THBS1: variants seen among roughly 807,000 people sequenced by gnomAD.
The protein encoded by THBS1 is thrombospondin-1.
THBS1 carries 29 observed loss-of-function variants against 126.1 expected under a neutral mutation model. The observed-to-expected ratio is 0.23, with a 90% CI of 0.17 to 0.31. The LOEUF is 0.31. THBS1 is among the 10% of genes least tolerant of loss of function. The pLI is 1.00. For synonymous variants in THBS1, 496 were observed against 577.8 expected, an observed-to-expected ratio of 0.86 and a Z score of 2.03; for missense variants, 1,198 against 1,545.2, an observed-to-expected ratio of 0.78 and a Z score of 3.77.
Position 39,582,211 on chromosome 15 carries a change from G to C in THBS1, c.86G>C (p.Ser29Thr), listed in dbSNP as rs1455854650. The C allele has an allele frequency of 2.5e-6, 4 of 1,607,026 alleles. No individual in the cohort carries two copies. The highest frequency in any genetic ancestry group is 3.4e-6 in the Non-Finnish European group (4 of 1,176,648). ...NRIPESGGDNSVFDIFELTGA... is the reference protein window; with the variant it reads ...NRIPESGGDNTVFDIFELTGA... ...CTAACAGAGTCTGGCGGAGACAACAGCGTGTTTGACATCTTTGAACTCACC... is the reference window on the plus strand; with the variant it reads ...CTAACAGAGTCTGGCGGAGACAACACCGTGTTTGACATCTTTGAACTCACC... Residue 29 changes from serine (S) to threonine (T), a missense_variant, in exon 3 of 22, where the codon AGC (serine) becomes ACC (threonine). Ser to Thr is a moderately conservative substitution (Grantham distance 58). Around this residue, in one of 4 missense-constraint regions of THBS1, gnomAD observed 271 missense variants for 277.0 expected, o/e 0.98. Coordinates refer to ENST00000260356, the MANE Select transcript of THBS1 (RefSeq NM_003246.4).
Position 39,593,170 on chromosome 15 carries a change from C to G in THBS1, c.2938C>G (p.Arg980Gly). 1.9e-6 allele frequency: 3 copies of G among 1,610,584 alleles called. No individual in the cohort carries two copies. The highest frequency in any genetic ancestry group is 2.5e-6 in the Non-Finnish European group (3 of 1,178,682). ...TSQNDPNWVV[R>G]HQGKELVQTV... ...CCAAAATGACCCTAACTGGGTTGTA[C>G]GCCATCAGGGTAAAGAACTCGTCCA... Residue 980 changes from arginine to glycine, a missense_variant, in exon 18 of 22, where the codon CGC becomes GGC. Arg to Gly is a moderately radical substitution (Grantham distance 125). Around this residue, in one of 4 missense-constraint regions of THBS1, gnomAD observed 255 missense variants for 373.9 expected, o/e 0.68. Coordinates refer to ENST00000260356, the MANE Select transcript of THBS1 (RefSeq NM_003246.4). This position sits in a 1 kb window ranked among gnomAD's most constrained non-coding sequence, Gnocchi z 5.9.
chr15:39,583,837 AT>A, intron 4 of THBS1, 145 bp downstream of exon 4: 1 of 1,181,088 alleles, frequency 8.5e-7, no homozygotes, highest in Non-Finnish European at 1.2e-6. Flanking sequence ...TCCAAGGGGT[AT>A]TATACACACA....
rs937045376 is a variant in THBS1, at chr15:39,591,745, C to T, written c.2532+122C>T. Reference sequence around the variant, plus strand: ...TCATTACTGTGGCTCCCTGGCTTCTCATAGCCAACTGGAATACGTTCATGT... The same window carrying T: ...TCATTACTGTGGCTCCCTGGCTTCTTATAGCCAACTGGAATACGTTCATGT... On this transcript the variant is annotated intron_variant, in intron 16 of 21. Coordinates refer to ENST00000260356, the MANE Select transcript of THBS1 (RefSeq NM_003246.4). 8.0e-6 allele frequency: 7 copies of T among 873,118 alleles called. No individual in the cohort carries two copies. In the African/African-American group the frequency reaches 1.0e-4, roughly 12 times the overall value. The allele number at this position is 873,118 out of a possible 1,614,324, so 54.1% of individuals were successfully genotyped here. A position where few individuals can be genotyped will look rare whatever the true frequency, so the allele number is the denominator to read the frequency against.
rs907819734 is a variant in THBS1 at position 39,587,711 on chromosome 15, G to T, written c.1294+191G>T. On this transcript the variant is annotated intron_variant, in intron 8 of 21. Transcript: ENST00000260356. ...GCTCTTTCCTCATTTGCAACTTGGA[G>T]ATAATAATAGTTCTTGATAAGTTTA... Among the ~76,000 whole-genome samples, 3 of 152,218 alleles carry T rather than the reference G, an allele frequency of 2.0e-5. No individual in the cohort carries two copies. The East Asian group carries it at 5.8e-4, about 29-fold the overall frequency.
chr15:39,599,134 A>G lies in THBS1; in HGVS notation c.*3765A>G, dbSNP rs1238218543. 1 of 152,198 alleles carries G rather than the reference A, an allele frequency of 6.6e-6. No homozygotes were observed. Among genetic ancestry groups the G allele is most frequent in the African/African-American group, 2.4e-5 (1 of 41,446 alleles). The allele number at this position is 152,198 out of a possible 1,614,324, so 9.4% of individuals were successfully genotyped here. A position where few individuals can be genotyped will look rare whatever the true frequency, so the allele number is the denominator to read the frequency against. On this transcript the variant is annotated 3_prime_UTR_variant, in exon 22 of 22. Transcript: ENST00000260356. ...AAGACGGGGTTTCACCTTGTTCCGG[A>G]CAAACACTAAGCCCTAAAGGGAAAT...
chr15:39,582,576 G>A lies in THBS1; in HGVS notation c.451G>A (p.Gly151Ser), dbSNP rs747214338. The A allele has an allele frequency of 3.1e-6, 5 of 1,614,116 alleles. No homozygotes were observed. The highest frequency in any genetic ancestry group is 2.2e-5 in the East Asian group (1 of 44,876). The change falls in exon 3 of 22, where the codon GGC becomes AGC. Residue 151 changes from glycine to serine, a missense_variant. This residue lies in a region of THBS1 where 271 missense variants were observed against 277.0 expected (regional missense o/e 0.98). Coordinates refer to ENST00000260356, the MANE Select transcript of THBS1 (RefSeq NM_003246.4). ...TGTGGAAGAAGCTCTCCTGGCAACC[G>A]GCCAGTGGAAGAGCATCACCCTGTT... ...VSVEEALLAT[G>S]QWKSITLFVQ...
intron 14 of THBS1, 57 bp from the exon 15 acceptor site, chr15:39,591,134 G>C: frequency 1.3e-6 from 2 of 1,581,554 alleles, no homozygotes; most frequent in Non-Finnish European, 1.7e-6. Context: ...CATGGTTTGA[G>C]GCTTGAGCTG....
rs761099879 is a variant in THBS1, at chr15:39,582,597, C to CTGTT, written c.476_479dup (p.Gln161CysfsTer13). ...AACCGGCCAGTGGAAGAGCATCACC[C>CTGTT]TGTTTGTGCAGGAAGACAGGGCCCA... On this transcript the variant is annotated frameshift_variant, in exon 3 of 22. Transcript: ENST00000260356. LOFTEE classifies it high-confidence loss of function. The CTGTT allele has an allele frequency of 1.2e-6, 2 of 1,614,018 alleles. No individual in the cohort carries two copies. The highest frequency in any genetic ancestry group is 1.7e-6 in the Non-Finnish European group (2 of 1,180,044).
rs566389840 is a variant in THBS1 at position 39,593,450 on chromosome 15, G to A, written c.3049G>A (p.Glu1017Lys). Residue 1017 changes from glutamate (E) to lysine (K), a missense_variant, in exon 19 of 22, where the codon GAA becomes AAA. By Grantham distance (56) the Glu-to-Lys change is moderately conservative. Around this residue, in one of 4 missense-constraint regions of THBS1, gnomAD observed 255 missense variants for 373.9 expected, o/e 0.68. Transcript: ENST00000260356. This position sits in a 1 kb window ranked among gnomAD's most constrained non-coding sequence, Gnocchi z 5.9. The stretch of plus-strand genomic sequence containing the variant: ...CAGTGGCACCTTCTTCATCAACACC[G>A]AAAGGGACGATGACTATGCTGGATT... ...DFSGTFFINT[E>K]RDDDYAGFVF... The A allele has an allele frequency of 1.7e-5, 28 of 1,614,130 alleles. No individual in the cohort carries two copies. The highest frequency in any genetic ancestry group is 5.3e-5 in the African/African-American group (4 of 75,040).
At position 39,593,985 on chromosome 15, in the gene THBS1, G is replaced by A; in HGVS notation, c.3268-114G>A. On this transcript the variant is annotated intron_variant, in intron 19 of 21. Coordinates refer to ENST00000260356, the MANE Select transcript of THBS1 (RefSeq NM_003246.4). The surrounding 1 kb of genome is among the most constrained non-coding windows in gnomAD (Gnocchi z 5.9). ...GGACTTGGAAAAATTCCCCATTGCA[G>A]CCCTCTAACTTAGATCAGCTCAGTA... 2 of 1,147,998 alleles carry A rather than the reference G, an allele frequency of 1.7e-6. No homozygotes were observed. Among genetic ancestry groups the A allele is most frequent in the Non-Finnish European group, 2.4e-6 (2 of 820,146 alleles). The allele number at this position is 1,147,998 out of a possible 1,614,324, so 71.1% of individuals were successfully genotyped here. A position where few individuals can be genotyped will look rare whatever the true frequency, so the allele number is the denominator to read the frequency against.
At position 39,592,385 on chromosome 15, in the gene THBS1, G is replaced by GA. The variant is rs1890343544; in HGVS notation, c.2533-176dup. 3.3e-5 allele frequency among the ~76,000 whole-genome samples: 5 copies of GA among 152,138 alleles called. No individual in the cohort carries two copies. The highest frequency in any genetic ancestry group is 1.2e-4 in the African/African-American group (5 of 41,502). On this transcript the variant is annotated intron_variant, in intron 16 of 21. Coordinates refer to ENST00000260356, the MANE Select transcript of THBS1 (RefSeq NM_003246.4). This position sits in a 1 kb window ranked among gnomAD's most constrained non-coding sequence, Gnocchi z 4.3. ...TTTTTATACGAAAACAAAGATAAAG[G>GA]AAAAAAACTTTTAAAATGTAATTGC...
chr15:39,584,757 C>A (rs1890179732), intron 6 of THBS1, among the ~76,000 whole-genome samples: 1 of 151,302 alleles, frequency 6.6e-6, no homozygotes, highest in Non-Finnish European at 1.5e-5. Flanking sequence ...TTTTTCCCAA[C>A]CCTGATTTAT....
In THBS1 at chr15:39,584,197, C is replaced by T; in HGVS notation, c.903+10C>T. 1 of 1,613,994 alleles carries T rather than the reference C, an allele frequency of 6.2e-7. No individual in the cohort carries two copies. Among genetic ancestry groups the T allele is most frequent in the Non-Finnish European group, 8.5e-7 (1 of 1,179,888 alleles). Reference sequence around the variant, plus strand: ...CAGCATCCGCAAAGTGGTCAGTGGCCTCTGCACCCAGCCCGTTAGCATGAA... The same window carrying T: ...CAGCATCCGCAAAGTGGTCAGTGGCTTCTGCACCCAGCCCGTTAGCATGAA... On this transcript the variant is annotated intron_variant, in intron 5 of 21. Coordinates refer to ENST00000260356, the MANE Select transcript of THBS1 (RefSeq NM_003246.4).
chr15:39,584,063 G>T lies in THBS1; in HGVS notation c.779G>T (p.Gly260Val). 8 of 1,614,166 alleles carry T rather than the reference G, an allele frequency of 5.0e-6. No individual in the cohort carries two copies. Among genetic ancestry groups the T allele is most frequent in the Non-Finnish European group, 5.9e-6 (7 of 1,180,030 alleles). ...CCTGCCATCCGCACTAACTACATTG[G>T]CCACAAGACAAAGGACTTGCAAGCC... ...SSPAIRTNYI[G>V]HKTKDLQAIC... The change falls in exon 5 of 22, where the codon GGC (glycine) becomes GTC (valine). Residue 260 changes from glycine to valine, a missense_variant. Physicochemically the swap from Gly to Val is moderately radical, Grantham distance 109. This residue lies in a region of THBS1 where 663 missense variants were observed against 860.1 expected (regional missense o/e 0.77). Transcript: ENST00000260356.
rs545139498 is a variant in THBS1 at position 39,588,283 on chromosome 15, A to T, written c.1471+65A>T. ...AGCTCTGCCCAGCTGGTTGCCTGGC[A>T]TCTGCAGCCTGCAGTTCAGTGGGTC... On this transcript the variant is annotated intron_variant, in intron 9 of 21. Transcript: ENST00000260356. 4.0e-4 allele frequency: 618 copies of T among 1,557,978 alleles called. 4 individuals carry two copies. In the African/African-American group the frequency reaches 7.6e-3, roughly 19 times the overall value.
At chr15:39,584,518 A>G (rs1333633897) in intron 6 of THBS1, 96 bp downstream of exon 6, 9 of 1,512,736 alleles carry the variant, frequency 5.9e-6, no homozygotes, top group Non-Finnish European at 8.1e-6. Flanking sequence ...GATTCTTTTT[A>G]TGTTCCATGG....
rs1890501298 is a variant in THBS1 at position 39,597,613 on chromosome 15, A to G, written c.*2244A>G. The G allele has an allele frequency of 6.6e-6, 1 of 152,210 alleles. No homozygotes were observed. Among genetic ancestry groups the G allele is most frequent in the Admixed American group, 6.5e-5 (1 of 15,290 alleles). The allele number at this position is 152,210 out of a possible 1,614,324, so 9.4% of individuals were successfully genotyped here. A position where few individuals can be genotyped will look rare whatever the true frequency, so the allele number is the denominator to read the frequency against. ...TTCACAGTTTGTATGTGATTGAGAA[A>G]GACTGAGTTGCTCAGGCCTAGGCTT... On this transcript the variant is annotated 3_prime_UTR_variant, in exon 22 of 22. Coordinates refer to ENST00000260356, the MANE Select transcript of THBS1 (RefSeq NM_003246.4).
Position 39,583,610 on chromosome 15 carries a change from C to T in THBS1, c.628-7C>T, listed in dbSNP as rs767332797. On this transcript the variant is annotated splice_polypyrimidine_tract_variant and splice_region_variant and intron_variant, in intron 3 of 21. Transcript: ENST00000260356. Reference sequence around the variant, plus strand: ...TTCTACAAGTAATGTGTGTCCTCTGCCCACAGGGGGTGCTGCAGAATGTGA... The same window carrying T: ...TTCTACAAGTAATGTGTGTCCTCTGTCCACAGGGGGTGCTGCAGAATGTGA... 3 of 1,607,716 alleles carry T rather than the reference C, an allele frequency of 1.9e-6. No homozygotes were observed. The highest frequency in any genetic ancestry group is 2.5e-6 in the Non-Finnish European group (3 of 1,177,072).
chr15:39,594,865 A>G lies in THBS1; in HGVS notation c.3505+425A>G, dbSNP rs1890402282. Among the ~76,000 whole-genome samples the G allele has an allele frequency of 6.6e-6, 1 of 152,214 alleles. No homozygotes were observed. Among genetic ancestry groups the G allele is most frequent in the Admixed American group, 6.5e-5 (1 of 15,284 alleles). On this transcript the variant is annotated intron_variant, in intron 21 of 21. Coordinates refer to ENST00000260356, the MANE Select transcript of THBS1 (RefSeq NM_003246.4). The surrounding 1 kb of genome is among the most constrained non-coding windows in gnomAD (Gnocchi z 4.4). ...AGAGGAATGTTGCTTTCATATTGGC[A>G]TGTTAAATTAATGTTCACTATTAAA... is the stretch of plus-strand genomic sequence containing the variant.
Sources: allele counts gnomAD v4.1 joint callset (sites outside exome capture counted in the v4.1 genomes callset), GRCh38; gene constraint gnomAD v4.1.1; regional missense constraint gnomAD v4.1.1; non-coding constraint Gnocchi (gnomAD v3.1); transcripts MANE v1.5; gene names NCBI Gene and HGNC (gene_info 2026-07-23, HGNC 2026-07-21).